The following HOXA13 variants were observed in gnomAD, a reference collection of about 807,000 sequenced individuals.
HOXA13 encodes homeobox protein Hox-A13.
In HOXA13, 5 loss-of-function variants were observed where a neutral mutation model predicts 25.7. The observed-to-expected ratio is 0.19, with a 90% CI of 0.10 to 0.41. The LOEUF (loss-of-function observed/expected upper bound fraction) is 0.41. HOXA13 is among the 10% of genes least tolerant of loss of function. The pLI, the probability that HOXA13 is intolerant of heterozygous loss-of-function variation, is 1.00. For missense variants in HOXA13, 557 were observed against 533.5 expected, an observed-to-expected ratio of 1.04 and a Z score of -0.43; for synonymous variants, 284 against 241.1, an observed-to-expected ratio of 1.18 and a Z score of -1.65.
intron 1 of HOXA13, 56 bp downstream of exon 1, chr7:27,199,100 G>A (rs1336533022): frequency 1.3e-6 from 2 of 1,542,340 alleles, no homozygotes; most frequent in Non-Finnish European, 1.7e-6. Context: ...GGTGCGAGCG[G>A]AGAAGAAGCT....
Position 27,199,601 on chromosome 7 carries a change from C to G in HOXA13, c.477G>C (p.Ala159=), listed in dbSNP as rs1376248574. 66 of 1,489,998 alleles carry G rather than the reference C, an allele frequency of 4.4e-5. No homozygotes were observed. The Admixed American group carries it at 1.4e-3, about 32-fold the overall frequency. The allele number at this position is 1,489,998 out of a possible 1,614,324, so 92.3% of individuals were successfully genotyped here. The change falls in exon 1 of 2, where the codon GCG becomes GCC. Residue 159 remains alanine, a synonymous_variant. Coordinates refer to ENST00000649031, the MANE Select transcript of HOXA13 (RefSeq NM_000522.5). ...CCGCGGGCCCCGACGAGCTCTGCGCCGCTGCCGAGCAGGGGCTGCATTGCT... is the reference window on the plus strand; with the variant it reads ...CCGCGGGCCCCGACGAGCTCTGCGCGGCTGCCGAGCAGGGGCTGCATTGCT... ...AAKQCSPCSA[A]AQSSSGPAAL... is the part of the protein sequence containing the mutation.
chr7:27,197,991 GCAGTCTTT>G lies in HOXA13; in HGVS notation c.*199_*206del. 1.6e-6 allele frequency: 1 copy of G among 628,992 alleles called. No individual in the cohort carries two copies. Among genetic ancestry groups the G allele is most frequent in the Non-Finnish European group, 2.7e-6 (1 of 366,426 alleles). 39.0% of individuals were successfully genotyped at this position (628,992 alleles called of 1,614,324 possible). A position where few individuals can be genotyped will look rare whatever the true frequency, so the allele number is the denominator to read the frequency against. ...GCTGATGGGGTTGGCGGAAGAACTG[GCAGTCTTT>G]ACCTTTCTTAAAGTTTTAAAACAGT... On this transcript the variant is annotated 3_prime_UTR_variant, in exon 2 of 2. Transcript: ENST00000649031.
Position 27,194,904 on chromosome 7 carries a change from T to A in HOXA13, c.*3294A>T, listed in dbSNP as rs1783987246. On this transcript the variant is annotated 3_prime_UTR_variant, in exon 2 of 2. Transcript: ENST00000649031. ...TATTTCTTACATCTAAAGAAAAATA[T>A]CCCCTGTCAACAGAAGAGTCCCTTT... The A allele has an allele frequency of 6.6e-6, 1 of 152,168 alleles. No homozygotes were observed. The highest frequency in any genetic ancestry group is 2.4e-5 in the African/African-American group (1 of 41,424). The allele number at this position is 152,168 out of a possible 1,614,324, so 9.4% of individuals were successfully genotyped here. A position where few individuals can be genotyped will look rare whatever the true frequency, so the allele number is the denominator to read the frequency against.
rs142621337 is a variant in HOXA13 at position 27,196,447 on chromosome 7, C to CTT, written c.*1749_*1750dup. 1.3e-5 allele frequency: 2 copies of CTT among 152,052 alleles called. No homozygotes were observed. Among genetic ancestry groups the CTT allele is most frequent in the African/African-American group, 4.8e-5 (2 of 41,378 alleles). 9.4% of individuals were successfully genotyped at this position (152,052 alleles called of 1,614,324 possible). On this transcript the variant is annotated 3_prime_UTR_variant, in exon 2 of 2. Transcript: ENST00000649031. ...GTCAAAAGTCAAGGTCACAAATTGT[C>CTT]TTTTTTTTCGTCAAGGTCAAGGTTT...
Position 27,195,602 on chromosome 7 carries a change from A to G in HOXA13, c.*2596T>C, listed in dbSNP as rs1783995835. ...TTGATGGAAGTTGTTAATATTAAACATATTTATTTATCCTACAAATCAAAT... is the reference window on the plus strand; with the variant it reads ...TTGATGGAAGTTGTTAATATTAAACGTATTTATTTATCCTACAAATCAAAT... On this transcript the variant is annotated 3_prime_UTR_variant, in exon 2 of 2. Coordinates refer to ENST00000649031, the MANE Select transcript of HOXA13 (RefSeq NM_000522.5). The G allele has an allele frequency of 6.6e-6, 1 of 152,230 alleles. No individual in the cohort carries two copies. The highest frequency in any genetic ancestry group is 6.5e-5 in the Admixed American group (1 of 15,274). The allele number at this position is 152,230 out of a possible 1,614,324, so 9.4% of individuals were successfully genotyped here. A position where few individuals can be genotyped will look rare whatever the true frequency, so the allele number is the denominator to read the frequency against.
Position 27,198,097 on chromosome 7 carries a change from C to T in HOXA13, c.*101G>A. On this transcript the variant is annotated 3_prime_UTR_variant, in exon 2 of 2. Coordinates refer to ENST00000649031, the MANE Select transcript of HOXA13 (RefSeq NM_000522.5). ...GCCAGTCTCTGTCTCTTTCTCTTTC[C>T]CATTCTTCAATTATTATTAAGCATT... 7.7e-7 allele frequency: 1 copy of T among 1,304,478 alleles called. No homozygotes were observed. 80.8% of individuals were successfully genotyped at this position (1,304,478 alleles called of 1,614,324 possible). A position where few individuals can be genotyped will look rare whatever the true frequency, so the allele number is the denominator to read the frequency against.
In HOXA13 at chr7:27,198,304, C is replaced by T. The variant is rs1304431464; in HGVS notation, c.1061G>A (p.Arg354Gln). 6.2e-7 allele frequency: 1 copy of T among 1,614,190 alleles called. No homozygotes were observed. The highest frequency in any genetic ancestry group is 1.1e-5 in the South Asian group (1 of 91,088). The stretch of plus-strand genomic sequence containing the variant: ...AGAGAGATTCGTCGTGGCTGATATC[C>T]GCCTCCGTTTGTCCTTAGTAATGAA... ...NKFITKDKRR[R>Q]ISATTNLSER... Residue 354 changes from arginine to glutamine, a missense_variant, in exon 2 of 2, where the codon CGG (arginine) becomes CAG (glutamine). By Grantham distance (43) the Arg-to-Gln change is conservative (BLOSUM62 1). Transcript: ENST00000649031.
chr7:27,199,911 C>T lies in HOXA13; in HGVS notation c.167G>A (p.Gly56Glu), dbSNP rs1784072928. Residue 56 changes from glycine to glutamate, a missense_variant, in exon 1 of 2, where the codon GGG becomes GAG. By Grantham distance (98) the Gly-to-Glu change is moderately conservative. Transcript: ENST00000649031. The stretch of plus-strand genomic sequence containing the variant: ...CGCAGCCGCCGGGTGGGGGAAGCCC[C>T]CGCCCCCGGCCCCGGCAGCCGCCGC... ...AAAAAAGAGGGGFPHPAAAAA... is the reference protein window; with the variant it reads ...AAAAAAGAGGEGFPHPAAAAA... 5.2e-6 allele frequency: 6 copies of T among 1,153,670 alleles called. No individual in the cohort carries two copies. The highest frequency in any genetic ancestry group is 6.5e-6 in the Non-Finnish European group (6 of 930,100). The allele number at this position is 1,153,670 out of a possible 1,614,324, so 71.5% of individuals were successfully genotyped here. A position where few individuals can be genotyped will look rare whatever the true frequency, so the allele number is the denominator to read the frequency against.
chr7:27,199,021 G>T, intron 1 of HOXA13, 135 bp downstream of exon 1: 1 of 802,638 alleles, frequency 1.2e-6, no homozygotes, highest in Non-Finnish European at 1.9e-6. Flanking sequence ...AGCCATGCTC[G>T]GGCTCCCAGG....
chr7:27,194,370 T>G lies in HOXA13; in HGVS notation c.*3828A>C, dbSNP rs1406931176. On this transcript the variant is annotated 3_prime_UTR_variant, in exon 2 of 2. Coordinates refer to ENST00000649031, the MANE Select transcript of HOXA13 (RefSeq NM_000522.5). ...GCAGATAGAAAAAGTAGCGTTTTTT[T>G]TTAAAGTCCCATTTTTATTTTCTTA... 6.6e-6 allele frequency: 1 copy of G among 152,202 alleles called. No homozygotes were observed. The highest frequency in any genetic ancestry group is 1.5e-5 in the Non-Finnish European group (1 of 68,026). 9.4% of individuals were successfully genotyped at this position (152,202 alleles called of 1,614,324 possible).
At position 27,197,785 on chromosome 7, in the gene HOXA13, G is replaced by A. The variant is rs896874514; in HGVS notation, c.*413C>T. 12 of 303,766 alleles carry A rather than the reference G, an allele frequency of 4.0e-5. No homozygotes were observed. Among genetic ancestry groups the A allele is most frequent in the African/African-American group, 6.5e-5 (3 of 46,150 alleles). 18.8% of individuals were successfully genotyped at this position (303,766 alleles called of 1,614,324 possible). A position where few individuals can be genotyped will look rare whatever the true frequency, so the allele number is the denominator to read the frequency against. On this transcript the variant is annotated 3_prime_UTR_variant, in exon 2 of 2. Coordinates refer to ENST00000649031, the MANE Select transcript of HOXA13 (RefSeq NM_000522.5). The stretch of plus-strand genomic sequence containing the variant: ...ACATGCAAAGGGAATGGCGACCTAA[G>A]AAGGACAAGCAGATGTTTACAATGG...
chr7:27,198,669 T>C, intron 1 of HOXA13: 3 of 599,128 alleles, frequency 5.0e-6, no homozygotes, highest in Non-Finnish European at 3.0e-6. Context: ...CCGGCCATCC[T>C]GCAGGAGCAG....
Position 27,197,944 on chromosome 7 carries a change from C to T in HOXA13, c.*254G>A. The T allele has an allele frequency of 1.9e-6, 1 of 535,224 alleles. No individual in the cohort carries two copies. Among genetic ancestry groups the T allele is most frequent in the Non-Finnish European group, 3.3e-6 (1 of 300,250 alleles). 33.2% of individuals were successfully genotyped at this position (535,224 alleles called of 1,614,324 possible). ...TGAAATTGCGTATTTTGGGGGTTGA[C>T]GTTTGACATTTAACGGGCTGGGCTG... On this transcript the variant is annotated 3_prime_UTR_variant, in exon 2 of 2. Coordinates refer to ENST00000649031, the MANE Select transcript of HOXA13 (RefSeq NM_000522.5).
chr7:27,199,742 C>A lies in HOXA13; in HGVS notation c.336G>T (p.Ala112=). 1 of 992,170 alleles carries A rather than the reference C, an allele frequency of 1.0e-6. No individual in the cohort carries two copies. The allele number at this position is 992,170 out of a possible 1,614,324, so 61.5% of individuals were successfully genotyped here. ...ASAYSSAPGE[A]PPSAAAAAAA... is the part of the protein sequence containing the mutation. ...CAGCAGCGGCGGCAGCCGACGGGGGCGCCTCCCCGGGGGCGCTGCTGTAGG... is the reference window on the plus strand; with the variant it reads ...CAGCAGCGGCGGCAGCCGACGGGGGAGCCTCCCCGGGGGCGCTGCTGTAGG... The change falls in exon 1 of 2, where the codon GCG becomes GCT. Residue 112 remains alanine, a synonymous_variant. Coordinates refer to ENST00000649031, the MANE Select transcript of HOXA13 (RefSeq NM_000522.5).
At position 27,197,625 on chromosome 7, in the gene HOXA13, T is replaced by A. The variant is rs1784018676; in HGVS notation, c.*573A>T. On this transcript the variant is annotated 3_prime_UTR_variant, in exon 2 of 2. Coordinates refer to ENST00000649031, the MANE Select transcript of HOXA13 (RefSeq NM_000522.5). ...CTCAGAAGAGTTTTCTCTCCCTTTC[T>A]CCCTTCACAGCAAATATTCCAAGAT... 1 of 227,948 alleles carries A rather than the reference T, an allele frequency of 4.4e-6. No individual in the cohort carries two copies. Among genetic ancestry groups the A allele is most frequent in the Admixed American group, 5.5e-5 (1 of 18,338 alleles). 14.1% of individuals were successfully genotyped at this position (227,948 alleles called of 1,614,324 possible). A position where few individuals can be genotyped will look rare whatever the true frequency, so the allele number is the denominator to read the frequency against.
Position 27,199,769 on chromosome 7 carries a change from G to T in HOXA13, c.309C>A (p.Ser103=), listed in dbSNP as rs1390059989. The stretch of plus-strand genomic sequence containing the variant: ...CCTCCCCGGGGGCGCTGCTGTAGGC[G>T]GACGCGGCTCCTGGCGCCAAGGGCG... ...HPAPLAPGAA[S]AYSSAPGEAP... Residue 103 remains serine (S), a synonymous_variant, in exon 1 of 2, where the codon TCC becomes TCA. Transcript: ENST00000649031. The T allele has an allele frequency of 3.9e-6, 4 of 1,018,858 alleles. No individual in the cohort carries two copies. The highest frequency in any genetic ancestry group is 1.7e-5 in the African/African-American group (1 of 57,220). 63.1% of individuals were successfully genotyped at this position (1,018,858 alleles called of 1,614,324 possible). A position where few individuals can be genotyped will look rare whatever the true frequency, so the allele number is the denominator to read the frequency against.
rs1431437834 is a variant in HOXA13 at position 27,200,087 on chromosome 7, C to T, written c.-10G>A. ...GCACGGAGGCTGTCATAGCCCGAGCCGCATGGAGAAGACCCCAGTGGCGCT... is the reference window on the plus strand; with the variant it reads ...GCACGGAGGCTGTCATAGCCCGAGCTGCATGGAGAAGACCCCAGTGGCGCT... On this transcript the variant is annotated 5_prime_UTR_variant, in exon 1 of 2. Coordinates refer to ENST00000649031, the MANE Select transcript of HOXA13 (RefSeq NM_000522.5). 52 of 1,449,672 alleles carry T rather than the reference C, an allele frequency of 3.6e-5. No individual in the cohort carries two copies. Among genetic ancestry groups the T allele is most frequent in the Non-Finnish European group, 4.7e-5 (51 of 1,083,394 alleles). 89.8% of individuals were successfully genotyped at this position (1,449,672 alleles called of 1,614,324 possible). A position where few individuals can be genotyped will look rare whatever the true frequency, so the allele number is the denominator to read the frequency against.
rs1304423126 is a variant in HOXA13, at chr7:27,196,400, A to G, written c.*1798T>C. On this transcript the variant is annotated 3_prime_UTR_variant, in exon 2 of 2. Coordinates refer to ENST00000649031, the MANE Select transcript of HOXA13 (RefSeq NM_000522.5). Reference sequence around the variant, plus strand: ...GGTGGCGCCCTTGATCTACTAATCCAGCTAAGGCCAATTCATGAGCTGTCA... The same window carrying G: ...GGTGGCGCCCTTGATCTACTAATCCGGCTAAGGCCAATTCATGAGCTGTCA... 3 of 152,198 alleles carry G rather than the reference A, an allele frequency of 2.0e-5. No individual in the cohort carries two copies. Among genetic ancestry groups the G allele is most frequent in the Non-Finnish European group, 4.4e-5 (3 of 68,042 alleles). The allele number at this position is 152,198 out of a possible 1,614,324, so 9.4% of individuals were successfully genotyped here.
At position 27,195,891 on chromosome 7, in the gene HOXA13, C is replaced by T. The variant is rs1483280144; in HGVS notation, c.*2307G>A. 6.6e-6 allele frequency: 1 copy of T among 152,202 alleles called. No individual in the cohort carries two copies. The highest frequency in any genetic ancestry group is 2.4e-5 in the African/African-American group (1 of 41,440). The allele number at this position is 152,202 out of a possible 1,614,324, so 9.4% of individuals were successfully genotyped here. A position where few individuals can be genotyped will look rare whatever the true frequency, so the allele number is the denominator to read the frequency against. On this transcript the variant is annotated 3_prime_UTR_variant, in exon 2 of 2. Transcript: ENST00000649031. ...AATAGCTCTAATTACAGTGTGAGAC[C>T]ACCCTGGAGGGTGAGGACCAGGAAG...
Sources: gnomAD v4.1 joint callset for allele counts on GRCh38, gnomAD v4.1.1 for gene constraint, MANE v1.5 for transcripts, NCBI Gene and HGNC (gene_info 2026-07-23, HGNC 2026-07-21) for gene names.